DROSHA: variants seen among roughly 807,000 people sequenced by gnomAD.
DROSHA encodes drosha ribonuclease III.
Under a neutral mutation model 181.9 loss-of-function variants are expected in DROSHA, and 56 were observed. The ratio of observed to expected loss-of-function variants is 0.31; its 90% CI spans 0.25 to 0.38. The LOEUF is 0.38. DROSHA is among the 10% of genes least tolerant of loss of function. DROSHA has a pLI of 1.00. For missense variants in DROSHA, 1,218 were observed against 1,743.5 expected, an observed-to-expected ratio of 0.70 and a Z score of 5.37; for synonymous variants, 524 against 591.2, an observed-to-expected ratio of 0.89 and a Z score of 1.65.
chr5:31,414,213 T>A (rs1383795664), intron 30 of DROSHA, among the ~76,000 whole-genome samples: 1 of 152,176 alleles, frequency 6.6e-6, no homozygotes, highest in Non-Finnish European at 1.5e-5. Context: ...TGAGGTAATT[T>A]TTTTTTTATT....
At chr5:31,449,134 C>CAA (rs371567874) in intron 22 of DROSHA, 147 bp downstream of exon 22, 2,079 of 921,488 alleles carry the variant, frequency 2.3e-3, no homozygotes, top group Non-Finnish European at 2.5e-3. Context: ...GACCCTGTCT[C>CAA]AAAAAAAAAA....
chr5:31,467,620 A>C (rs1749225306), intron 18 of DROSHA: 1 of 153,568 alleles, frequency 6.5e-6, no homozygotes. Flanking sequence ...GCACTGAAAA[A>C]ATAAAAAATA....
intron 3 of DROSHA, among the ~76,000 whole-genome samples, chr5:31,529,532 G>A (rs1740979937): frequency 6.6e-6 from 1 of 151,966 alleles, no homozygotes; most frequent in Non-Finnish European, 1.5e-5. Flanking sequence ...GCAGGAGGTG[G>A]AGACCATCCT....
intron 20 of DROSHA, among the ~76,000 whole-genome samples, chr5:31,461,248 A>C (rs184964332): frequency 7.2e-4 from 110 of 152,334 alleles, no homozygotes; most frequent in Admixed American, 6.5e-3. Context: ...GGTTAAAAAA[A>C]TTCAAACAAA....
chr5:31,445,609 CAAG>C (rs1746151823), intron 23 of DROSHA, among the ~76,000 whole-genome samples: 1 of 152,154 alleles, frequency 6.6e-6, no homozygotes, highest in Non-Finnish European at 1.5e-5. Context: ...ACACCACAAT[CAAG>C]TGGGAGGCAT....
At chr5:31,521,307 C>A in intron 5 of DROSHA, 92 bp from the exon 6 acceptor site, 1 of 1,396,286 alleles carries the variant, frequency 7.2e-7, no homozygotes, top group South Asian at 1.2e-5. Context: ...ATAAATGGAC[C>A]ACATCTAGGA....
intron 5 of DROSHA, among the ~76,000 whole-genome samples, chr5:31,522,333 A>G (rs1388189083): frequency 6.6e-6 from 1 of 152,222 alleles, no homozygotes; most frequent in African/African-American, 2.4e-5. Flanking sequence ...GTTATTGTAT[A>G]GAAATTAGTG....
At position 31,510,927 on chromosome 5, in the gene DROSHA, A is replaced by G; in HGVS notation, c.1432+108T>C. On this transcript the variant is annotated intron_variant, in intron 9 of 35. Coordinates refer to ENST00000344624, the MANE Select transcript of DROSHA (RefSeq NM_001382508.1). Reference sequence around the variant, plus strand: ...ACTGACTGTAATTAAGAAAAATAAAATGAAAAAGAAGAAATCTCAATGTGG... The same window carrying G: ...ACTGACTGTAATTAAGAAAAATAAAGTGAAAAAGAAGAAATCTCAATGTGG... 4 of 1,380,076 alleles carry G rather than the reference A, an allele frequency of 2.9e-6. No homozygotes were observed. The Admixed American group carries it at 9.1e-5, about 31-fold the overall frequency. The allele number at this position is 1,380,076 out of a possible 1,614,324, so 85.5% of individuals were successfully genotyped here.
intron 11 of DROSHA, among the ~76,000 whole-genome samples, chr5:31,497,422 G>A (rs545755835): frequency 6.6e-6 from 1 of 152,322 alleles, no homozygotes; most frequent in East Asian, 1.9e-4. Flanking sequence ...GTCAACTCTT[G>A]AAGCCAAGGG....
chr5:31,493,075 C>T, intron 13 of DROSHA, 132 bp downstream of exon 13: 1 of 929,308 alleles, frequency 1.1e-6, no homozygotes, highest in South Asian at 1.7e-5. Flanking sequence ...TCCTGCAGCT[C>T]ATTTACAATA....
chr5:31,464,209 T>C, intron 20 of DROSHA, 27 bp downstream of exon 20: 1 of 1,603,612 alleles, frequency 6.2e-7, no homozygotes, highest in Non-Finnish European at 8.5e-7. Flanking sequence ...AGTATGGGCA[T>C]AACTGTGTCC....
chr5:31,430,725 T>A lies in DROSHA; in HGVS notation c.3145+851A>T, dbSNP rs146163034. On this transcript the variant is annotated intron_variant, in intron 26 of 35. Transcript: ENST00000344624. ...ACAAATTCTTTGAAAATAGACATATTTGTGAAAAACAGACATAGCTGTGAA... is the reference window on the plus strand; with the variant it reads ...ACAAATTCTTTGAAAATAGACATATATGTGAAAAACAGACATAGCTGTGAA... 9.2e-5 allele frequency among the ~76,000 whole-genome samples: 14 copies of A among 152,292 alleles called. No individual in the cohort carries two copies. The East Asian group carries it at 2.7e-3, about 29-fold the overall frequency.
chr5:31,430,324 G>C (rs1046670685), intron 26 of DROSHA, among the ~76,000 whole-genome samples: 3 of 152,196 alleles, frequency 2.0e-5, no homozygotes, highest in Non-Finnish European at 4.4e-5. Context: ...ACCATGCAAA[G>C]CATTTCCACA....
chr5:31,449,134 C>CAAAAA, intron 22 of DROSHA, 147 bp downstream of exon 22: 2 of 926,444 alleles, frequency 2.2e-6, no homozygotes, highest in South Asian at 2.0e-5. Flanking sequence ...GACCCTGTCT[C>CAAAAA]AAAAAAAAAA....
chr5:31,405,641 T>G (rs749504913), intron 35 of DROSHA, 36 bp downstream of exon 35: 1 of 1,522,896 alleles, frequency 6.6e-7, no homozygotes, highest in Non-Finnish European at 8.8e-7. Context: ...ACTCATTACA[T>G]TATGAACATA....
chr5:31,508,541 A>C (rs541658603), intron 10 of DROSHA, 80 bp downstream of exon 10: 1 of 1,586,494 alleles, frequency 6.3e-7, no homozygotes, highest in African/African-American at 1.3e-5. Flanking sequence ...ATACTAGGCA[A>C]CATGTATCTT....
chr5:31,445,117 A>G (rs1403601445), intron 23 of DROSHA, among the ~76,000 whole-genome samples: 1 of 152,198 alleles, frequency 6.6e-6, no homozygotes. Context: ...AATGATAAGC[A>G]TAGCTATTCC....
Position 31,522,477 on chromosome 5 carries a change from T to C in DROSHA, c.855-1262A>G, listed in dbSNP as rs1048156188. On this transcript the variant is annotated intron_variant, in intron 5 of 35. Coordinates refer to ENST00000344624, the MANE Select transcript of DROSHA (RefSeq NM_001382508.1). ...ATATTTTTTTTTACCATATAGCCAA[T>C]AGAATTTTGCATTTAAGAATAACAC... 4.6e-5 allele frequency among the ~76,000 whole-genome samples: 7 copies of C among 152,136 alleles called. No homozygotes were observed. In the East Asian group the frequency reaches 5.8e-4, roughly 13 times the overall value.
At chr5:31,459,596 C>A (rs1157659244) in intron 20 of DROSHA, among the ~76,000 whole-genome samples, 2 of 152,116 alleles carry the variant, frequency 1.3e-5, no homozygotes, top group Non-Finnish European at 2.9e-5. Flanking sequence ...TTCCTCCTTC[C>A]CCCGCTACAA....
Sources: gnomAD v4.1 joint callset for allele counts (sites outside exome capture counted in the v4.1 genomes callset) on GRCh38, gnomAD v4.1.1 for gene constraint, MANE v1.5 for transcripts, NCBI Gene and HGNC (gene_info 2026-07-23, HGNC 2026-07-21) for gene names.